Variants in NPR3 observed in about 807,000 individuals in gnomAD.
NPR3 encodes natriuretic peptide receptor 3.
In NPR3, 34 loss-of-function variants were observed where a neutral mutation model predicts 54.5. That is an observed-to-expected ratio of 0.62 (90% CI 0.47 to 0.83). NPR3 has a LOEUF of 0.83. Among genes scored for constraint, NPR3 ranks in the 40% least tolerant of loss-of-function variants. NPR3 has a pLI of 0.00. For missense variants in NPR3, 674 were observed against 720.8 expected (o/e 0.94, Z 0.74); for synonymous variants, 289 against 297.1 (o/e 0.97, Z 0.28).
At chr5:32,726,255 C>T (rs960448382) in intron 2 of NPR3, among the ~76,000 whole-genome samples, 4 of 152,190 alleles carry the variant, frequency 2.6e-5, no homozygotes, top group Non-Finnish European at 2.9e-5. Context: ...GATATCCTGG[C>T]TTACTGGAGC....
At position 32,774,709 on chromosome 5, in the gene NPR3, T is replaced by A; in HGVS notation, c.1061T>A (p.Val354Asp). ...EKQGLNMEDYVNMFVEGFHDA... is the reference protein window; with the variant it reads ...EKQGLNMEDYDNMFVEGFHDA... The stretch of plus-strand genomic sequence containing the variant: ...ACCCATCTGGGGTTTTCTTTTCAGG[T>A]TAACATGTTTGTTGAAGGATTCCAC... The change falls in exon 4 of 8, where the codon GTT becomes GAT. Residue 354 changes from valine (V) to aspartate (D), a missense_variant and splice_region_variant. Transcript: ENST00000265074. 6.2e-7 allele frequency: 1 copy of A among 1,611,898 alleles called. No individual in the cohort carries two copies. Among genetic ancestry groups the A allele is most frequent in the East Asian group, 2.2e-5 (1 of 44,872 alleles).
At position 32,729,908 on chromosome 5, in the gene NPR3, T is replaced by G. The variant is rs556553612; in HGVS notation, c.892+5088T>G. ...ATTATCAAAACAGGGAAATTAACAT[T>G]GGCACAATATTACTAACTAAACTAC... is the stretch of plus-strand genomic sequence containing the variant. On this transcript the variant is annotated intron_variant, in intron 2 of 7. Coordinates refer to ENST00000265074, the MANE Select transcript of NPR3 (RefSeq NM_001204375.2). Among the ~76,000 whole-genome samples, 34 of 152,294 alleles carry G rather than the reference T, an allele frequency of 2.2e-4. No individual in the cohort carries two copies. In the South Asian group the frequency reaches 7.0e-3, roughly 32 times the overall value.
At chr5:32,777,832 G>C (rs1742139189) in intron 4 of NPR3, among the ~76,000 whole-genome samples, 1 of 152,142 alleles carries the variant, frequency 6.6e-6, no homozygotes, top group Non-Finnish European at 1.5e-5. Flanking sequence ...TTCAGTTGAG[G>C]AGCTAGAATC....
intron 1 of NPR3, among the ~76,000 whole-genome samples, chr5:32,719,517 C>G (rs975678438): frequency 6.6e-6 from 1 of 152,140 alleles, no homozygotes; most frequent in African/African-American, 2.4e-5. Flanking sequence ...AAGCTGGAAT[C>G]AGTTTGGATT....
At chr5:32,738,661 T>G (rs1579633377) in intron 2 of NPR3, among the ~76,000 whole-genome samples, 2 of 152,344 alleles carry the variant, frequency 1.3e-5, no homozygotes, top group East Asian at 3.9e-4. Flanking sequence ...CGCTCACATT[T>G]CAAAGGAACA....
At position 32,760,681 on chromosome 5, in the gene NPR3, A is replaced by T. The variant is rs181281141; in HGVS notation, c.1060-14027A>T. Among the ~76,000 whole-genome samples the T allele has an allele frequency of 5.3e-3, 787 of 147,908 alleles. 7 individuals carry two copies. Among genetic ancestry groups the T allele is most frequent in the African/African-American group, 0.018 (739 of 40,292 alleles). Reference sequence around the variant, plus strand: ...GATGAGCAGTGGTTTTTTTTTTTTTAAATTTAGATGTAGTCAGTTTTTTTA... The same window carrying T: ...GATGAGCAGTGGTTTTTTTTTTTTTTAATTTAGATGTAGTCAGTTTTTTTA... On this transcript the variant is annotated intron_variant, in intron 3 of 7. Transcript: ENST00000265074.
Position 32,736,088 on chromosome 5 carries a change from G to A in NPR3, c.893-2776G>A, listed in dbSNP as rs373570850. On this transcript the variant is annotated intron_variant, in intron 2 of 7. Coordinates refer to ENST00000265074, the MANE Select transcript of NPR3 (RefSeq NM_001204375.2). ...CCTACTAAAAATACAAAAATTAGCC[G>A]GGTGTGGTGGCGCATGTCTGTAACC... is the stretch of plus-strand genomic sequence containing the variant. Among the ~76,000 whole-genome samples the A allele has an allele frequency of 2.0e-3, 310 of 151,814 alleles. 2 individuals are homozygous for A. The highest frequency in any genetic ancestry group is 6.2e-3 in the African/African-American group (255 of 41,368).
At chr5:32,723,029 G>A (rs180717682) in intron 1 of NPR3, among the ~76,000 whole-genome samples, 6 of 152,180 alleles carry the variant, frequency 3.9e-5, no homozygotes, top group Admixed American at 2.6e-4. Flanking sequence ...ATTAACGTGC[G>A]CAGTAAACTA....
chr5:32,782,361 C>G (rs1742380620), intron 5 of NPR3, among the ~76,000 whole-genome samples: 2 of 118,742 alleles, frequency 1.7e-5, no homozygotes, highest in Admixed American at 1.6e-4. Context: ...CTTCACATGT[C>G]CCTGAAAGTA....
chr5:32,752,330 C>A (rs1488741863), intron 3 of NPR3, among the ~76,000 whole-genome samples: 1 of 152,194 alleles, frequency 6.6e-6, no homozygotes, highest in African/African-American at 2.4e-5. Flanking sequence ...GTTATCAGAT[C>A]ATCAATAAAA....
At chr5:32,757,888 T>C (rs1283957866) in intron 3 of NPR3, among the ~76,000 whole-genome samples, 3 of 152,256 alleles carry the variant, frequency 2.0e-5, no homozygotes, top group Non-Finnish European at 4.4e-5. Flanking sequence ...GTTCTCTTTA[T>C]ATGATGGATT....
chr5:32,774,673 T>C, intron 3 of NPR3, 35 bp from the exon 4 acceptor site: 1 of 1,561,764 alleles, frequency 6.4e-7, no homozygotes, highest in Non-Finnish European at 8.8e-7. Context: ...AGTCACTTGG[T>C]GTTTTGGTTC....
At chr5:32,726,195 T>C (rs1246722345) in intron 2 of NPR3, among the ~76,000 whole-genome samples, 5 of 152,174 alleles carry the variant, frequency 3.3e-5, no homozygotes, top group East Asian at 1.9e-4. Flanking sequence ...TGATGAGATA[T>C]AGTTGGACAG....
At chr5:32,767,063 C>A (rs569058162) in intron 3 of NPR3, among the ~76,000 whole-genome samples, 2 of 152,342 alleles carry the variant, frequency 1.3e-5, no homozygotes, top group Non-Finnish European at 2.9e-5. Context: ...TCAACTCAGT[C>A]ACAGCAACTG....
intron 3 of NPR3, among the ~76,000 whole-genome samples, chr5:32,761,461 C>T (rs766958622): frequency 5.8e-4 from 88 of 152,054 alleles, no homozygotes; most frequent in Non-Finnish European, 8.2e-4. Flanking sequence ...ACAACCATTT[C>T]CAATTGTTCA....
At chr5:32,768,211 AGGCATGTCT>A (rs1213993649) in intron 3 of NPR3, among the ~76,000 whole-genome samples, 5 of 152,160 alleles carry the variant, frequency 3.3e-5, no homozygotes, top group African/African-American at 1.2e-4. Context: ...AGCCTTTCAG[AGGCATGTCT>A]GGCTGGCACT....
chr5:32,768,853 C>T (rs1226394914), intron 3 of NPR3, among the ~76,000 whole-genome samples: 4 of 152,146 alleles, frequency 2.6e-5, no homozygotes, highest in East Asian at 1.9e-4. Context: ...TAACTTCAGT[C>T]GGGGGAGCAA....
rs192198906 is a variant in NPR3, at chr5:32,765,010, C to T, written c.1060-9698C>T. On this transcript the variant is annotated intron_variant, in intron 3 of 7. Transcript: ENST00000265074. Reference sequence around the variant, plus strand: ...GTGAGGGAGATAATATTTAGTTTAGCTTTTTTCTTTTTTTTATAGCAAAGT... The same window carrying T: ...GTGAGGGAGATAATATTTAGTTTAGTTTTTTTCTTTTTTTTATAGCAAAGT... Among the ~76,000 whole-genome samples the T allele has an allele frequency of 3.7e-3, 569 of 152,066 alleles. 2 individuals carry two copies. Among genetic ancestry groups the T allele is most frequent in the African/African-American group, 0.013 (552 of 41,494 alleles).
chr5:32,762,060 G>T (rs1741199747), intron 3 of NPR3, among the ~76,000 whole-genome samples: 1 of 152,094 alleles, frequency 6.6e-6, no homozygotes, highest in Non-Finnish European at 1.5e-5. Flanking sequence ...TTCTGTTCCT[G>T]TGTTAGTTTG....
Sources: allele counts gnomAD v4.1 joint callset (sites outside exome capture counted in the v4.1 genomes callset), GRCh38; gene constraint gnomAD v4.1.1; transcripts MANE v1.5; gene names NCBI Gene and HGNC (gene_info 2026-07-23, HGNC 2026-07-21).